The following BRCA2 variants were observed in gnomAD, a reference collection of about 807,000 sequenced individuals.
BRCA2 encodes the protein breast cancer type 2 susceptibility protein.
BRCA2 carries 203 observed loss-of-function variants against 276.7 expected under a neutral mutation model. That is an observed-to-expected ratio of 0.73 (90% CI 0.65 to 0.82). The LOEUF (loss-of-function observed/expected upper bound fraction) is 0.82, where lower values mean the gene tolerates loss of function less well. Ranked by LOEUF, BRCA2 falls within the 40% of genes least tolerant of loss-of-function variation. The pLI is 0.00. For missense variants in BRCA2, 3,920 were observed against 3,915.0 expected (o/e 1.00, Z -0.03); for synonymous variants, 1,289 against 1,338.4 (o/e 0.96, Z 0.81).
intron 16 of BRCA2, among the ~76,000 whole-genome samples, chr13:32,362,064 C>A (rs1322740335): frequency 6.6e-6 from 1 of 152,108 alleles, no homozygotes; most frequent in Non-Finnish European, 1.5e-5. Context: ...TCACTCTTGT[C>A]CAGGCTGGAG....
rs80359162 is a variant in BRCA2, at chr13:32,379,882, C to G, written c.9086C>G (p.Ala3029Gly). 6.2e-7 allele frequency: 1 copy of G among 1,613,346 alleles called. No homozygotes were observed. The highest frequency in any genetic ancestry group is 8.5e-7 in the Non-Finnish European group (1 of 1,179,630). The change falls in exon 23 of 27, where the codon GCG becomes GGG. Residue 3029 changes from alanine to glycine, a missense_variant. Physicochemically the swap from Ala to Gly is moderately conservative, Grantham distance 60 (BLOSUM62 0). This residue lies in a region of BRCA2 where 657 missense variants were observed against 758.2 expected (regional missense o/e 0.87). Transcript: ENST00000380152. ...GAAAGAGCTAACATACAGTTAGCAG[C>G]GACAAAAAAAACTCAGTATCAACAA... ...KSERANIQLA[A>G]TKKTQYQQLP...
intron 20 of BRCA2, among the ~76,000 whole-genome samples, chr13:32,374,289 C>T (rs1028330827): frequency 3.9e-5 from 6 of 152,234 alleles, no homozygotes; most frequent in African/African-American, 1.4e-4. Context: ...CGTTTGTTTC[C>T]TTGTTACTTA....
chr13:32,336,023 A>G (rs2072445165), intron 10 of BRCA2, among the ~76,000 whole-genome samples: 1 of 151,754 alleles, frequency 6.6e-6, no homozygotes, highest in Non-Finnish European at 1.5e-5. Context: ...CTGGCACCAC[A>G]GGCATACACC....
chr13:32,373,257 C>T (rs1428755703), intron 20 of BRCA2, among the ~76,000 whole-genome samples: 2 of 151,672 alleles, frequency 1.3e-5, no homozygotes, highest in Non-Finnish European at 2.9e-5. Context: ...CCTGTAATCC[C>T]AGCACTTTGG....
At chr13:32,361,069 A>G (rs2072734818) in intron 16 of BRCA2, among the ~76,000 whole-genome samples, 1 of 152,204 alleles carries the variant, frequency 6.6e-6, no homozygotes, top group African/African-American at 2.4e-5. Flanking sequence ...TGGATATGGA[A>G]GTCTATACAC....
chr13:32,375,968 A>G (rs1014625437), intron 20 of BRCA2, among the ~76,000 whole-genome samples: 1 of 152,146 alleles, frequency 6.6e-6, no homozygotes, highest in African/African-American at 2.4e-5. Flanking sequence ...TAATCACTCT[A>G]TACATCTCTG....
chr13:32,382,002 A>C (rs539328348), intron 24 of BRCA2, among the ~76,000 whole-genome samples: 12 of 152,206 alleles, frequency 7.9e-5, no homozygotes, highest in Non-Finnish European at 1.3e-4. Context: ...GCTCAGTTTT[A>C]GACAGTTAAG....
chr13:32,332,124 T>G lies in BRCA2; in HGVS notation c.794-148T>G, dbSNP rs1165806326. The G allele has an allele frequency of 4.0e-6, 3 of 741,714 alleles. No homozygotes were observed. The East Asian group carries it at 9.8e-5, about 24-fold the overall frequency. The allele number at this position is 741,714 out of a possible 1,614,324, so 45.9% of individuals were successfully genotyped here. On this transcript the variant is annotated intron_variant, in intron 9 of 26. Transcript: ENST00000380152. ...AGGGGTGACTGACCGAAAAATAAAA[T>G]GCCAAGTACTCAGAATAACCCTTTA... is the stretch of plus-strand genomic sequence containing the variant.
intron 13 of BRCA2, among the ~76,000 whole-genome samples, chr13:32,348,451 G>C (rs1237760589): frequency 3.9e-5 from 6 of 152,148 alleles, no homozygotes; most frequent in African/African-American, 1.4e-4. Context: ...AGAGGACCAA[G>C]AAGTTAGGTT....
intron 25 of BRCA2, chr13:32,396,117 G>A (rs769758914): frequency 5.4e-6 from 1 of 185,846 alleles, no homozygotes; most frequent in Non-Finnish European, 1.1e-5. Flanking sequence ...GGGACTACAG[G>A]TGCGTGCCAC....
At chr13:32,375,320 T>C in intron 20 of BRCA2, 1 of 429,552 alleles carries the variant, frequency 2.3e-6, no homozygotes, top group Non-Finnish European at 4.6e-6. Context: ...CTAGTTCTCT[T>C]GCTATTTTCA....
At chr13:32,360,032 G>T (rs2137571983) in intron 16 of BRCA2, among the ~76,000 whole-genome samples, 1 of 152,316 alleles carries the variant, frequency 6.6e-6, no homozygotes, top group East Asian at 1.9e-4. Context: ...AAGTTGGAAA[G>T]GTGGCAGAGA....
intron 2 of BRCA2, among the ~76,000 whole-genome samples, chr13:32,317,134 G>C (rs979591437): frequency 6.6e-6 from 1 of 152,184 alleles, no homozygotes; most frequent in Non-Finnish European, 1.5e-5. Context: ...TGGAGGCAGA[G>C]GTTGCAGTGA....
At chr13:32,350,444 A>C (rs2072640423) in intron 13 of BRCA2, among the ~76,000 whole-genome samples, 1 of 152,150 alleles carries the variant, frequency 6.6e-6, no homozygotes, top group Non-Finnish European at 1.5e-5. Context: ...AAGGAAGTAC[A>C]CTATTTATAT....
chr13:32,347,814 A>C (rs1325022954), intron 13 of BRCA2, among the ~76,000 whole-genome samples: 2 of 152,348 alleles, frequency 1.3e-5, no homozygotes, highest in South Asian at 2.1e-4. Context: ...CAGATGAAAC[A>C]GTATAGCCAG....
chr13:32,383,554 G>A (rs371673461), intron 24 of BRCA2, among the ~76,000 whole-genome samples: 1 of 152,186 alleles, frequency 6.6e-6, no homozygotes, highest in East Asian at 1.9e-4. Flanking sequence ...GTGTGGGCAT[G>A]AAGTAGTTGG....
At chr13:32,375,013 AAGG>A (rs1286648658) in intron 20 of BRCA2, among the ~76,000 whole-genome samples, 2 of 152,252 alleles carry the variant, frequency 1.3e-5, no homozygotes, top group African/African-American at 4.8e-5. Flanking sequence ...GTGGAAGATG[AAGG>A]AGAAGCAAGT....
chr13:32,316,990 A>C (rs1429708446), intron 2 of BRCA2, among the ~76,000 whole-genome samples: 1 of 152,092 alleles, frequency 6.6e-6, no homozygotes, highest in Admixed American at 6.6e-5. Context: ...TTGAGGCCAG[A>C]AGTTTGAGAC....
intron 24 of BRCA2, among the ~76,000 whole-genome samples, chr13:32,393,220 C>T (rs1326250331): frequency 1.3e-5 from 2 of 148,894 alleles, no homozygotes; most frequent in African/African-American, 4.8e-5. Context: ...TTCTTTGAGA[C>T]TGAATCCTAT....
Sources: allele counts gnomAD v4.1 joint callset (sites outside exome capture counted in the v4.1 genomes callset), GRCh38; gene constraint gnomAD v4.1.1; regional missense constraint gnomAD v4.1.1; transcripts MANE v1.5; gene names NCBI Gene and HGNC (gene_info 2026-07-23, HGNC 2026-07-21).